ATP13A3: variants seen among roughly 807,000 people sequenced by gnomAD.
ATP13A3 encodes the protein ATPase 13A3.
ATP13A3 carries 59 observed loss-of-function variants against 158.1 expected under a neutral mutation model. That is an observed-to-expected ratio of 0.37 (90% confidence interval 0.30 to 0.46). ATP13A3 has a LOEUF of 0.46. Among genes scored for constraint, ATP13A3 ranks in the 20% least tolerant of loss-of-function variants. The pLI is 1.00. For synonymous variants in ATP13A3, 491 were observed against 504.3 expected (o/e 0.97, Z 0.35); for missense variants, 1,166 against 1,525.2 (o/e 0.76, Z 3.92).
chr3:194,449,505 C>T (rs549667956), intron 11 of ATP13A3, among the ~76,000 whole-genome samples: 1 of 152,100 alleles, frequency 6.6e-6, no homozygotes, highest in Admixed American at 6.6e-5. Context: ...CGTGGTGAAG[C>T]CGTCTCTACT....
chr3:194,431,177 G>A lies in ATP13A3; in HGVS notation c.2471C>T (p.Thr824Ile). 6.2e-7 allele frequency: 1 copy of A among 1,613,274 alleles called. No individual in the cohort carries two copies. The highest frequency in any genetic ancestry group is 8.5e-7 in the Non-Finnish European group (1 of 1,179,280). The stretch of plus-strand genomic sequence containing the variant: ...TCCATTCATTGCAAAATGATAACGA[G>A]TCATTTGAAGATCCTCTAAGCTATC... ...VHDSLEDLQM[T>I]RYHFAMNGKS... Residue 824 changes from threonine to isoleucine, a missense_variant, in exon 23 of 34, where the codon ACT (threonine) becomes ATT (isoleucine). By Grantham distance (89) the Thr-to-Ile change is moderately conservative. Around this residue, in one of 3 missense-constraint regions of ATP13A3, gnomAD observed 997 missense variants for 1,341.2 expected, o/e 0.74. Coordinates refer to ENST00000645319, the MANE Select transcript of ATP13A3 (RefSeq NM_001367549.1).
chr3:194,409,693 A>ATTTTTTTT lies in ATP13A3; in HGVS notation c.3573+2498_3573+2505dup, dbSNP rs71179358. ...TGCTTGATAATCACTGACGTAAAGA[A>ATTTTTTTT]TTTTTTTTTTTTTTTTTTTTTTTTT... On this transcript the variant is annotated intron_variant, in intron 33 of 33. Coordinates refer to ENST00000645319, the MANE Select transcript of ATP13A3 (RefSeq NM_001367549.1). 9.7e-3 allele frequency among the ~76,000 whole-genome samples: 907 copies of ATTTTTTTT among 93,920 alleles called. 168 individuals carry two copies. The highest frequency in any genetic ancestry group is 0.043 in the African/African-American group (866 of 20,278). The allele number at this position is 93,920 out of a possible 152,430, so 61.6% of individuals were successfully genotyped here. A position where few individuals can be genotyped will look rare whatever the true frequency, so the allele number is the denominator to read the frequency against.
chr3:194,483,415 A>T (rs1577097990), intron 2 of ATP13A3, among the ~76,000 whole-genome samples: 1 of 141,178 alleles, frequency 7.1e-6, no homozygotes, highest in African/African-American at 2.8e-5. Context: ...CACGGTGAAA[A>T]CCCACCTCTA....
chr3:194,431,320 T>C (rs980046392), intron 22 of ATP13A3, 94 bp from the exon 23 acceptor site: 104 of 1,358,390 alleles, frequency 7.7e-5, no homozygotes, highest in Non-Finnish European at 6.3e-5. Context: ...CTGAATTCTT[T>C]CATTTGATAT....
chr3:194,428,599 T>C (rs1716989014), intron 28 of ATP13A3, among the ~76,000 whole-genome samples: 1 of 152,128 alleles, frequency 6.6e-6, no homozygotes, highest in African/African-American at 2.4e-5. Context: ...TATACTAAAA[T>C]TGTCAGAGGC....
chr3:194,446,712 T>C (rs1718434476), intron 14 of ATP13A3, among the ~76,000 whole-genome samples: 1 of 152,222 alleles, frequency 6.6e-6, no homozygotes. Context: ...TCATTTCATT[T>C]AAAGTTGCAG....
chr3:194,409,950 A>G lies in ATP13A3; in HGVS notation c.3573+2249T>C, dbSNP rs534014900. On this transcript the variant is annotated intron_variant, in intron 33 of 33. Coordinates refer to ENST00000645319, the MANE Select transcript of ATP13A3 (RefSeq NM_001367549.1). ...GTATGTCACTTTGTGCTGGGAGGTT[A>G]TAAGAACTCTCCTTCCTAAAGCCAG... 4.6e-5 allele frequency among the ~76,000 whole-genome samples: 7 copies of G among 152,116 alleles called. No individual in the cohort carries two copies. The South Asian group carries it at 1.0e-3, about 23-fold the overall frequency.
At chr3:194,471,472 G>A (rs570701089) in intron 2 of ATP13A3, among the ~76,000 whole-genome samples, 8 of 152,140 alleles carry the variant, frequency 5.3e-5, no homozygotes, top group Middle Eastern at 3.4e-3. Flanking sequence ...TCTTGCCTCG[G>A]CCTCCTGAGT....
intron 6 of ATP13A3, among the ~76,000 whole-genome samples, chr3:194,458,061 C>T (rs574324177): frequency 6.6e-6 from 1 of 152,220 alleles, no homozygotes; most frequent in Non-Finnish European, 1.5e-5. Context: ...GCTGGGATTA[C>T]AGGCATGAGC....
intron 10 of ATP13A3, chr3:194,452,517 A>AAT (rs1718882782): frequency 6.6e-6 from 1 of 152,146 alleles, no homozygotes. Flanking sequence ...ATTAATAATA[A>AAT]TAGCCTTCAA....
At chr3:194,412,607 T>C (rs2108731482) in intron 32 of ATP13A3, 1 of 316,734 alleles carries the variant, frequency 3.2e-6, no homozygotes, top group East Asian at 7.1e-5. Flanking sequence ...TTATTTTCAT[T>C]GAATATCTAG....
intron 16 of ATP13A3, among the ~76,000 whole-genome samples, chr3:194,441,068 G>C (rs1325458342): frequency 6.6e-6 from 1 of 152,128 alleles, no homozygotes; most frequent in Non-Finnish European, 1.5e-5. Flanking sequence ...TAAACACAAA[G>C]CAGGGGCCTG....
intron 31 of ATP13A3, among the ~76,000 whole-genome samples, chr3:194,414,933 G>A (rs978717831): frequency 4.1e-4 from 63 of 152,188 alleles, no homozygotes; most frequent in African/African-American, 1.4e-3. Flanking sequence ...AAGGTTGGGA[G>A]CCTTTAACAT....
intron 4 of ATP13A3, 49 bp downstream of exon 4, chr3:194,460,609 A>G (rs1333954844): frequency 1.3e-6 from 2 of 1,567,070 alleles, no homozygotes; most frequent in African/African-American, 1.4e-5. Context: ...ACACAAAGAC[A>G]TTGTTTTACT....
At chr3:194,430,798 A>C in intron 24 of ATP13A3, 145 bp downstream of exon 24, 1 of 570,052 alleles carries the variant, frequency 1.8e-6, no homozygotes, top group Non-Finnish European at 2.7e-6. Flanking sequence ...AGCGGCACTT[A>C]AAGTTCTGAA....
At position 194,462,232 on chromosome 3, in the gene ATP13A3, G is replaced by T. The variant is rs1213625748; in HGVS notation, c.-42C>A. The T allele has an allele frequency of 1.2e-5, 18 of 1,552,446 alleles. No individual in the cohort carries two copies. The highest frequency in any genetic ancestry group is 1.4e-5 in the Non-Finnish European group (16 of 1,124,394). ...AGGTCCAGTGCTTCAAACAATGGAA[G>T]ATCACTGAGGGAAGAAAGGGAACAG... On this transcript the variant is annotated 5_prime_UTR_variant, in exon 3 of 34. Coordinates refer to ENST00000645319, the MANE Select transcript of ATP13A3 (RefSeq NM_001367549.1).
In ATP13A3 at chr3:194,410,911, T is replaced by TG. The variant is rs1177744135; in HGVS notation, c.3573+1287dup. 2.1e-3 allele frequency among the ~76,000 whole-genome samples: 41 copies of TG among 19,390 alleles called. 1 individual carries two copies. Among genetic ancestry groups the TG allele is most frequent in the Admixed American group, 0.01 (13 of 1,266 alleles). 12.7% of individuals were successfully genotyped at this position (19,390 alleles called of 152,430 possible). A position where few individuals can be genotyped will look rare whatever the true frequency, so the allele number is the denominator to read the frequency against. ...TAATGCAGTGAGGTAACTATATATATGGGGGTGGGAGGGTTGGGGTGTTGG... is the reference window on the plus strand; with the variant it reads ...TAATGCAGTGAGGTAACTATATATATGGGGGGTGGGAGGGTTGGGGTGTTGG... On this transcript the variant is annotated intron_variant, in intron 33 of 33. Coordinates refer to ENST00000645319, the MANE Select transcript of ATP13A3 (RefSeq NM_001367549.1).
intron 28 of ATP13A3, 69 bp downstream of exon 28, chr3:194,428,776 A>G: frequency 8.9e-7 from 1 of 1,129,550 alleles, no homozygotes; most frequent in Non-Finnish European, 1.3e-6. Flanking sequence ...ATGTAAATTT[A>G]CAAAAATTTA....
intron 2 of ATP13A3, among the ~76,000 whole-genome samples, chr3:194,462,645 T>C (rs762969036): frequency 1.2e-4 from 19 of 152,230 alleles, no homozygotes; most frequent in Non-Finnish European, 2.2e-4. Flanking sequence ...TTTTATACCA[T>C]CGAAGTGTTC....
Sources: allele counts gnomAD v4.1 joint callset (sites outside exome capture counted in the v4.1 genomes callset), GRCh38; gene constraint gnomAD v4.1.1; regional missense constraint gnomAD v4.1.1; transcripts MANE v1.5; gene names NCBI Gene and HGNC (gene_info 2026-07-23, HGNC 2026-07-21).